The following SLFN12L variants were observed in gnomAD, a reference collection of about 807,000 sequenced individuals.
The protein encoded by SLFN12L is schlafen family member 12 like, also known as schlafen family member 12-like.
SLFN12L carries 34 observed loss-of-function variants against 34.8 expected under a neutral mutation model. The ratio of observed to expected loss-of-function variants is 0.98; its 90% confidence interval spans 0.74 to 1.30. SLFN12L has a LOEUF of 1.30. Among genes scored for constraint, SLFN12L ranks in the 50% most tolerant of loss-of-function variants. The pLI is 0.00. For synonymous variants in SLFN12L, 259 were observed against 247.5 expected (o/e 1.05, Z -0.44); for missense variants, 703 against 696.2 (o/e 1.01, Z -0.11).
At chr17:35,496,107 C>T (rs1915061080) in intron 2 of SLFN12L, among the ~76,000 whole-genome samples, 1 of 151,916 alleles carries the variant, frequency 6.6e-6, no homozygotes, top group Non-Finnish European at 1.5e-5. Flanking sequence ...GGAGAGCAGC[C>T]CTGGGAACTA....
chr17:35,475,328 T>C lies in SLFN12L; in HGVS notation c.1434A>G (p.Gln478=). 1.2e-6 allele frequency: 2 copies of C among 1,614,222 alleles called. No individual in the cohort carries two copies. Among genetic ancestry groups the C allele is most frequent in the South Asian group, 1.1e-5 (1 of 91,090 alleles). The part of the protein sequence containing the change: ...SRSWSLDLGL[Q]ENHKVLCDAL... ...CATCACAGAGGACTTTGTGGTTCTC[T>C]TGCAAGCCCAGATCCAAAGACCAGC... The change falls in exon 5 of 5, where the codon CAA becomes CAG. Residue 478 remains glutamine (Q), a synonymous_variant. Coordinates refer to ENST00000628453, the MANE Select transcript of SLFN12L (RefSeq NM_001363830.2).
intron 2 of SLFN12L, among the ~76,000 whole-genome samples, chr17:35,494,592 A>C (rs961772533): frequency 1.3e-5 from 2 of 152,208 alleles, no homozygotes; most frequent in Non-Finnish European, 2.9e-5. Context: ...AAAAACAATA[A>C]ATCTCTAATA....
chr17:35,513,769 G>A (rs1485263888), intron 2 of SLFN12L, among the ~76,000 whole-genome samples: 3 of 152,110 alleles, frequency 2.0e-5, no homozygotes, highest in Admixed American at 6.5e-5. Flanking sequence ...AAAGCAAAAC[G>A]CAGCAAACAT....
chr17:35,500,196 T>G (rs1915241791), intron 2 of SLFN12L: 1 of 152,238 alleles, frequency 6.6e-6, no homozygotes, highest in South Asian at 2.1e-4. Context: ...CCTTTGAATT[T>G]TTGATTACTG....
intron 2 of SLFN12L, among the ~76,000 whole-genome samples, chr17:35,517,222 GA>G (rs1277381409): frequency 6.0e-5 from 9 of 151,118 alleles, no homozygotes; most frequent in African/African-American, 9.7e-5. Flanking sequence ...CTGGGGCAGA[GA>G]AAAAAAAATC....
rs1567640684 is a variant in SLFN12L, at chr17:35,475,158, C to T, written c.1604G>A (p.Cys535Tyr). The T allele has an allele frequency of 6.2e-7, 1 of 1,614,204 alleles. No individual in the cohort carries two copies. ...CAAGTAGAAGATCTTTGTCATGACA[C>T]ACACTTTTTTAGTGTAACCACCAAT... ...AKIGGYTKKVCVMTKIFYLSP... is the reference protein window; with the variant it reads ...AKIGGYTKKVYVMTKIFYLSP... The change falls in exon 5 of 5, where the codon TGT becomes TAT. Residue 535 changes from cysteine to tyrosine, a missense_variant. By Grantham distance (194) the Cys-to-Tyr change is radical. Coordinates refer to ENST00000628453, the MANE Select transcript of SLFN12L (RefSeq NM_001363830.2).
At chr17:35,487,487 C>T (rs1914635196) in intron 2 of SLFN12L, among the ~76,000 whole-genome samples, 1 of 152,200 alleles carries the variant, frequency 6.6e-6, no homozygotes, top group African/African-American at 2.4e-5. Context: ...CCCGGACCCC[C>T]GGAATAAGAA....
In SLFN12L at chr17:35,472,650, T is replaced by C. The variant is rs1417199241; in HGVS notation, c.*2273A>G. Among the ~76,000 whole-genome samples the C allele has an allele frequency of 6.6e-6, 1 of 152,226 alleles. No individual in the cohort carries two copies. The highest frequency in any genetic ancestry group is 2.4e-5 in the African/African-American group (1 of 41,462). ...TGATTCCATATGAAATTTAATTTCA[T>C]TTAATTCTGATTTGATTCCATATGA... On this transcript the variant is annotated 3_prime_UTR_variant, in exon 5 of 5. Transcript: ENST00000628453.
At chr17:35,499,006 C>G (rs1162195359) in intron 2 of SLFN12L, 7 of 709,798 alleles carry the variant, frequency 9.9e-6, no homozygotes, top group Non-Finnish European at 1.8e-5. Flanking sequence ...TTCTATAACA[C>G]CTAGCAGCTG....
At chr17:35,490,288 A>T in intron 2 of SLFN12L, 1 of 1,488,238 alleles carries the variant, frequency 6.7e-7, no homozygotes, top group Non-Finnish European at 9.4e-7. Context: ...CCAAGGGCAA[A>T]GGAAGAGCTG....
At position 35,522,733 on chromosome 17, in the gene SLFN12L, G is replaced by A; in HGVS notation, c.-369C>T. ...CAGCTTCTGCTTCAAAGTAAGGGCAGTGCAAGTGCAGTAGTCCTGGCCCTG... is the reference window on the plus strand; with the variant it reads ...CAGCTTCTGCTTCAAAGTAAGGGCAATGCAAGTGCAGTAGTCCTGGCCCTG... On this transcript the variant is annotated 5_prime_UTR_variant, in exon 2 of 5. Transcript: ENST00000628453. 1.5e-5 allele frequency: 24 copies of A among 1,613,788 alleles called. No homozygotes were observed. Among genetic ancestry groups the A allele is most frequent in the Non-Finnish European group, 2.0e-5 (24 of 1,179,750 alleles).
At position 35,471,046 on chromosome 17, in the gene SLFN12L, T is replaced by G. The variant is rs999883369; in HGVS notation, c.*3877A>C. Among the ~76,000 whole-genome samples, 1 of 152,208 alleles carries G rather than the reference T, an allele frequency of 6.6e-6. No individual in the cohort carries two copies. Among genetic ancestry groups the G allele is most frequent in the African/African-American group, 2.4e-5 (1 of 41,464 alleles). Reference sequence around the variant, plus strand: ...ATGGTGTATATGTACCACATTTTCTTTATCCAGTCTATCACTGATGGGCAT... The same window carrying G: ...ATGGTGTATATGTACCACATTTTCTGTATCCAGTCTATCACTGATGGGCAT... On this transcript the variant is annotated 3_prime_UTR_variant, in exon 5 of 5. Coordinates refer to ENST00000628453, the MANE Select transcript of SLFN12L (RefSeq NM_001363830.2).
rs142199117 is a variant in SLFN12L at position 35,475,528 on chromosome 17, T to C, written c.1277-43A>G. On this transcript the variant is annotated intron_variant, in intron 4 of 4. Coordinates refer to ENST00000628453, the MANE Select transcript of SLFN12L (RefSeq NM_001363830.2). Reference sequence around the variant, plus strand: ...GATAAATTATAAAAGACTGAGAACTTCCAACTTAAGCCATGGATACAAAGC... The same window carrying C: ...GATAAATTATAAAAGACTGAGAACTCCCAACTTAAGCCATGGATACAAAGC... 6.3e-4 allele frequency: 946 copies of C among 1,497,700 alleles called. 12 individuals carry two copies. In the African/African-American group the frequency reaches 0.012, roughly 20 times the overall value. 92.8% of individuals were successfully genotyped at this position (1,497,700 alleles called of 1,614,324 possible). A position where few individuals can be genotyped will look rare whatever the true frequency, so the allele number is the denominator to read the frequency against.
At chr17:35,536,401 A>T (rs929523953) in intron 1 of SLFN12L, among the ~76,000 whole-genome samples, 4 of 152,372 alleles carry the variant, frequency 2.6e-5, no homozygotes, top group South Asian at 2.1e-4. Context: ...GTAAACAAAA[A>T]GACCCAATGC....
At chr17:35,495,391 C>T (rs1249341344) in intron 2 of SLFN12L, among the ~76,000 whole-genome samples, 1 of 152,158 alleles carries the variant, frequency 6.6e-6, no homozygotes, top group African/African-American at 2.4e-5. Context: ...ATATTATACA[C>T]TTTAAATACG....
In SLFN12L at chr17:35,490,301, C is replaced by A. The variant is rs1914783214; in HGVS notation, c.87-10106G>T. The A allele has an allele frequency of 4.1e-6, 6 of 1,467,600 alleles. No individual in the cohort carries two copies. In the South Asian group the frequency reaches 6.8e-5, roughly 17 times the overall value. The allele number at this position is 1,467,600 out of a possible 1,614,324, so 90.9% of individuals were successfully genotyped here. On this transcript the variant is annotated intron_variant, in intron 2 of 4. Transcript: ENST00000628453. ...CCCCAAGGGCAAAGGAAGAGCTGCA[C>A]TAAGAAGTCCAGATACTCCAAAAAC...
chr17:35,502,416 G>GAAA (rs1161388791), intron 2 of SLFN12L, among the ~76,000 whole-genome samples: 423 of 25,242 alleles, frequency 0.017, 23 homozygotes, highest in African/African-American at 0.045. Context: ...GTATCCTAAG[G>GAAA]AAAAAAAAAA....
intron 2 of SLFN12L, among the ~76,000 whole-genome samples, chr17:35,504,946 T>C (rs1567673337): frequency 6.6e-6 from 1 of 152,160 alleles, no homozygotes; most frequent in Admixed American, 6.5e-5. Flanking sequence ...GGCTATCCCT[T>C]TCACCCTGGC....
At chr17:35,496,900 A>T (rs1463824055) in intron 2 of SLFN12L, among the ~76,000 whole-genome samples, 1 of 152,184 alleles carries the variant, frequency 6.6e-6, no homozygotes, top group Non-Finnish European at 1.5e-5. Flanking sequence ...GATGGCTGAA[A>T]ATGTTACCCT....
Sources: gnomAD v4.1 joint callset for allele counts (sites outside exome capture counted in the v4.1 genomes callset) on GRCh38, gnomAD v4.1.1 for gene constraint, MANE v1.5 for transcripts, NCBI Gene and HGNC (gene_info 2026-07-23, HGNC 2026-07-21) for gene names.